Variants in TMEM179 observed in about 807,000 individuals in gnomAD.
TMEM179 encodes the protein transmembrane protein 179, also known as transmembrane protein 179A.
TMEM179 carries 17 observed loss-of-function variants against 22.2 expected under a neutral mutation model. That is an observed-to-expected ratio of 0.77 (90% CI 0.52 to 1.15). The LOEUF is 1.15. TMEM179 is among the 50% of genes most tolerant of loss of function. The pLI, the probability that TMEM179 is intolerant of heterozygous loss-of-function variation, is 0.00. For missense variants in TMEM179, 265 were observed against 313.6 expected (o/e 0.84, Z 1.17); for synonymous variants, 127 against 140.5 (o/e 0.90, Z 0.68).
Position 104,591,430 on chromosome 14 carries a change from C to T in TMEM179, c.*2049G>A, listed in dbSNP as rs1347514919. The T allele has an allele frequency of 4.4e-6, 2 of 455,942 alleles. No homozygotes were observed. Among genetic ancestry groups the T allele is most frequent in the South Asian group, 3.1e-5 (2 of 64,560 alleles). The allele number at this position is 455,942 out of a possible 1,614,324, so 28.2% of individuals were successfully genotyped here. The stretch of plus-strand genomic sequence containing the variant: ...GAGCTCTCCGGACTGGAAAGAGTCC[C>T]CATGTCCAGTGGGTCAGGGCTGGAA... On this transcript the variant is annotated 3_prime_UTR_variant, in exon 4 of 4. Coordinates refer to ENST00000556573, the MANE Select transcript of TMEM179 (RefSeq NM_001286389.2).
chr14:104,604,434 T>C lies in TMEM179; in HGVS notation c.305+3A>G. ...CGCCGCGCCGGGAGCGGCCCCCACT[T>C]ACCCCTCGTGTCCCTTGCAGAGGAA... On this transcript the variant is annotated splice_donor_region_variant and intron_variant, in intron 1 of 3. Transcript: ENST00000556573. This position sits in a 1 kb window ranked among gnomAD's most constrained non-coding sequence, Gnocchi z 4.6. 1 of 1,556,780 alleles carries C rather than the reference T, an allele frequency of 6.4e-7. No individual in the cohort carries two copies.
intron 2 of TMEM179, 92 bp downstream of exon 2, chr14:104,596,898 C>A: frequency 6.6e-7 from 1 of 1,511,400 alleles, no homozygotes; most frequent in South Asian, 1.2e-5. Flanking sequence ...TCAGGATGGG[C>A]TTCGTGAGGG....
chr14:104,596,605 C>T (rs1315413717), intron 2 of TMEM179, among the ~76,000 whole-genome samples: 2 of 152,186 alleles, frequency 1.3e-5, no homozygotes, highest in African/African-American at 4.8e-5. Flanking sequence ...CCACAGTCTC[C>T]GGCTGTGTGG....
At position 104,593,615 on chromosome 14, in the gene TMEM179, G is replaced by T; in HGVS notation, c.566C>A (p.Thr189Lys). 6.7e-7 allele frequency: 1 copy of T among 1,499,158 alleles called. No homozygotes were observed. 92.9% of individuals were successfully genotyped at this position (1,499,158 alleles called of 1,614,324 possible). A position where few individuals can be genotyped will look rare whatever the true frequency, so the allele number is the denominator to read the frequency against. ...GTGGTAGACCTTCAGGAAGGCCAGC[G>T]TGGTGATGGCCAGCCAGGCCAGCCA... is the stretch of plus-strand genomic sequence containing the variant. ...ASWLAWLAIT[T>K]LAFLKVYHNY... The change falls in exon 4 of 4, where the codon ACG (threonine) becomes AAG (lysine). Residue 189 changes from threonine to lysine, a missense_variant. By Grantham distance (78) the Thr-to-Lys change is moderately conservative. Coordinates refer to ENST00000556573, the MANE Select transcript of TMEM179 (RefSeq NM_001286389.2).
Position 104,595,252 on chromosome 14 carries a change from G to A in TMEM179, c.444-9C>T. On this transcript the variant is annotated splice_polypyrimidine_tract_variant and intron_variant, in intron 2 of 3. Coordinates refer to ENST00000556573, the MANE Select transcript of TMEM179 (RefSeq NM_001286389.2). The surrounding 1 kb of genome is among the most constrained non-coding windows in gnomAD (Gnocchi z 5.7). The stretch of plus-strand genomic sequence containing the variant: ...CCTGGAGCTCTTCACAGCTAAAACA[G>A]CAGGACATAGGGTGGAGGGTGACCA... 6.2e-7 allele frequency: 1 copy of A among 1,611,826 alleles called. No homozygotes were observed. Among genetic ancestry groups the A allele is most frequent in the Non-Finnish European group, 8.5e-7 (1 of 1,179,130 alleles).
intron 1 of TMEM179, among the ~76,000 whole-genome samples, chr14:104,599,351 G>A (rs1429073997): frequency 1.3e-5 from 2 of 152,196 alleles, no homozygotes; most frequent in African/African-American, 2.4e-5. Context: ...GTGGGAATTT[G>A]CTACCAGGTC....
chr14:104,604,609 C>G lies in TMEM179; in HGVS notation c.133G>C (p.Gly45Arg). ...GTGAGGTTGGCGCTCAGCCACATGCCCTCGGTGAAGAGCAGGCAGCGGCCG... is the reference window on the plus strand; with the variant it reads ...GTGAGGTTGGCGCTCAGCCACATGCGCTCGGTGAAGAGCAGGCAGCGGCCG... ...FRGRCLLFTEGMWLSANLTVQ... is the reference protein window; with the variant it reads ...FRGRCLLFTERMWLSANLTVQ... Residue 45 changes from glycine (G) to arginine (R), a missense_variant, in exon 1 of 4, where the codon GGC becomes CGC. Transcript: ENST00000556573. The surrounding 1 kb of genome is among the most constrained non-coding windows in gnomAD (Gnocchi z 4.6). 1 of 1,565,464 alleles carries G rather than the reference C, an allele frequency of 6.4e-7. No individual in the cohort carries two copies. Among genetic ancestry groups the G allele is most frequent in the South Asian group, 1.2e-5 (1 of 85,580 alleles).
chr14:104,596,435 G>T (rs567851279), intron 2 of TMEM179, among the ~76,000 whole-genome samples: 1 of 152,120 alleles, frequency 6.6e-6, no homozygotes, highest in Non-Finnish European at 1.5e-5. Context: ...TCCCCAACCC[G>T]CCTGGGAGCT....
At chr14:104,599,076 T>A (rs759624514) in intron 1 of TMEM179, among the ~76,000 whole-genome samples, 1 of 152,124 alleles carries the variant, frequency 6.6e-6, no homozygotes, top group Non-Finnish European at 1.5e-5. Flanking sequence ...CGGCAAAAGT[T>A]CGCCAGGATG....
intron 1 of TMEM179, among the ~76,000 whole-genome samples, chr14:104,599,712 C>T (rs1175728464): frequency 6.6e-6 from 1 of 152,220 alleles, no homozygotes; most frequent in African/African-American, 2.4e-5. Flanking sequence ...CCAGGGTCAG[C>T]TCCACAGCCA....
Position 104,595,023 on chromosome 14 carries a change from A to G in TMEM179, c.522+142T>C. 1 of 1,512,924 alleles carries G rather than the reference A, an allele frequency of 6.6e-7. No homozygotes were observed. The highest frequency in any genetic ancestry group is 8.9e-7 in the Non-Finnish European group (1 of 1,128,588). 93.7% of individuals were successfully genotyped at this position (1,512,924 alleles called of 1,614,324 possible). Reference sequence around the variant, plus strand: ...GCAGGAAGCCTTCCCGACTGCTCCCACTGCCTGGTCCCATTGCTAACTACC... The same window carrying G: ...GCAGGAAGCCTTCCCGACTGCTCCCGCTGCCTGGTCCCATTGCTAACTACC... On this transcript the variant is annotated intron_variant, in intron 3 of 3. Transcript: ENST00000556573. This position sits in a 1 kb window ranked among gnomAD's most constrained non-coding sequence, Gnocchi z 5.7.
At chr14:104,599,488 C>T (rs1019549175) in intron 1 of TMEM179, among the ~76,000 whole-genome samples, 2 of 152,210 alleles carry the variant, frequency 1.3e-5, no homozygotes, top group African/African-American at 2.4e-5. Flanking sequence ...GTCAACCAGC[C>T]CTCCTTCAAT....
At chr14:104,600,876 C>T (rs1370410027) in intron 1 of TMEM179, among the ~76,000 whole-genome samples, 1 of 152,224 alleles carries the variant, frequency 6.6e-6, no homozygotes, top group Non-Finnish European at 1.5e-5. Context: ...CTCACACTGG[C>T]AGGAGGGCAG....
rs1886850863 is a variant in TMEM179, at chr14:104,591,732, C to T, written c.*1747G>A. On this transcript the variant is annotated 3_prime_UTR_variant, in exon 4 of 4. Transcript: ENST00000556573. ...TGCCCAGCCACCCAGAGACACAAGCCAGCTGCTGATGGTGGACAGGGTGGG... is the reference window on the plus strand; with the variant it reads ...TGCCCAGCCACCCAGAGACACAAGCTAGCTGCTGATGGTGGACAGGGTGGG... 3.5e-6 allele frequency: 1 copy of T among 286,368 alleles called. No homozygotes were observed. The highest frequency in any genetic ancestry group is 2.3e-5 in the African/African-American group (1 of 43,178). The allele number at this position is 286,368 out of a possible 1,614,324, so 17.7% of individuals were successfully genotyped here. A position where few individuals can be genotyped will look rare whatever the true frequency, so the allele number is the denominator to read the frequency against.
rs112480105 is a variant in TMEM179 at position 104,604,513 on chromosome 14, C to A, written c.229G>T (p.Ala77Ser). 3.4e-4 allele frequency: 530 copies of A among 1,567,332 alleles called. 2 individuals are homozygous for A. The African/African-American group carries it at 6.3e-3, about 19-fold the overall frequency. The part of the protein sequence containing the change: ...PPAACRFSLL[A>S]SLLSLLLAAA... ...GCCAGCAGCAGAGACAGGAGGCTGG[C>A]GAGCAGGCTGAAGCGGCAGGCGGCC... Residue 77 changes from alanine to serine, a missense_variant, in exon 1 of 4, where the codon GCC (alanine) becomes TCC (serine). Coordinates refer to ENST00000556573, the MANE Select transcript of TMEM179 (RefSeq NM_001286389.2). This position sits in a 1 kb window ranked among gnomAD's most constrained non-coding sequence, Gnocchi z 4.6.
chr14:104,593,596 G>T lies in TMEM179; in HGVS notation c.585C>A (p.Val195=), dbSNP rs960566663. The T allele has an allele frequency of 3.3e-6, 5 of 1,515,258 alleles. No homozygotes were observed. Among genetic ancestry groups the T allele is most frequent in the African/African-American group, 1.4e-5 (1 of 72,676 alleles). The allele number at this position is 1,515,258 out of a possible 1,614,324, so 93.9% of individuals were successfully genotyped here. A position where few individuals can be genotyped will look rare whatever the true frequency, so the allele number is the denominator to read the frequency against. Residue 195 remains valine, a synonymous_variant, in exon 4 of 4, where the codon GTC becomes GTA. Transcript: ENST00000556573. ...GGTCCTCCTGACGGTAGTTGTGGTAGACCTTCAGGAAGGCCAGCGTGGTGA... is the reference window on the plus strand; with the variant it reads ...GGTCCTCCTGACGGTAGTTGTGGTATACCTTCAGGAAGGCCAGCGTGGTGA... The part of the protein sequence containing the change: ...LAITTLAFLK[V]YHNYRQEDLL...
chr14:104,593,479 C>T lies in TMEM179; in HGVS notation c.702G>A (p.Ter234=). Residue 234 remains the stop codon, a stop_retained_variant, in exon 4 of 4, where the codon TAG becomes TAA. Coordinates refer to ENST00000556573, the MANE Select transcript of TMEM179 (RefSeq NM_001286389.2). ...SFQEEKSAVI[*] ...CCAGCTCCCCCTGCCTGCACTGTGC[C>T]TAAATGACAGCGCTCTTCTCCTCTT... The T allele has an allele frequency of 6.5e-7, 1 of 1,536,046 alleles. No individual in the cohort carries two copies. The highest frequency in any genetic ancestry group is 8.7e-7 in the Non-Finnish European group (1 of 1,146,842).
At chr14:104,594,153 G>A in intron 3 of TMEM179, 1 of 1,231,902 alleles carries the variant, frequency 8.1e-7, no homozygotes. Flanking sequence ...TCTCATTTGA[G>A]CGTATTTGCC....
At chr14:104,601,470 T>TG (rs1026981026) in intron 1 of TMEM179, among the ~76,000 whole-genome samples, 29 of 151,954 alleles carry the variant, frequency 1.9e-4, no homozygotes, top group Admixed American at 3.9e-4. Context: ...TGGGGTCCCC[T>TG]GGGGGGGGAC....
Sources: gnomAD v4.1 joint callset for allele counts (sites outside exome capture counted in the v4.1 genomes callset) on GRCh38, gnomAD v4.1.1 for gene constraint, Gnocchi (gnomAD v3.1) non-coding constraint, MANE v1.5 for transcripts, NCBI Gene and HGNC (gene_info 2026-07-23, HGNC 2026-07-21) for gene names.